CACNA1D: variants seen among roughly 807,000 people sequenced by gnomAD.
CACNA1D encodes the protein voltage-dependent L-type calcium channel subunit alpha-1D.
CACNA1D carries 55 observed loss-of-function variants against 257.1 expected under a neutral mutation model. The observed-to-expected ratio is 0.21, with a 90% CI of 0.17 to 0.27. CACNA1D has a LOEUF of 0.27. Ranked by LOEUF, CACNA1D falls within the 10% of genes least tolerant of loss-of-function variation. CACNA1D has a pLI of 1.00. For missense variants in CACNA1D, 1,876 were observed against 2,784.0 expected (o/e 0.67, Z 7.34); for synonymous variants, 980 against 1,014.9 (o/e 0.97, Z 0.65).
rs958170981 is a variant in CACNA1D, at chr3:53,673,376, A to G, written c.1220+250A>G. On this transcript the variant is annotated intron_variant, in intron 8 of 47. Transcript: ENST00000350061. This position sits in a 1 kb window ranked among gnomAD's most constrained non-coding sequence, Gnocchi z 4.1. ...AGCATTGTTGCTTGAGATTTAAACA[A>G]TTTCCATAGCATGCCCTTTTTTTGT... Among the ~76,000 whole-genome samples, 1 of 152,158 alleles carries G rather than the reference A, an allele frequency of 6.6e-6. No homozygotes were observed. The highest frequency in any genetic ancestry group is 6.5e-5 in the Admixed American group (1 of 15,282).
chr3:53,805,939 T>TCCCTCATCTTCCCTCCTCCTC (rs141385250), intron 45 of CACNA1D, among the ~76,000 whole-genome samples: 2 of 19,350 alleles, frequency 1.0e-4, no homozygotes, highest in Non-Finnish European at 1.6e-4. Flanking sequence ...TCCCTCCTCC[T>TCCCTCATCTTCCCTCCTCCTC]CCTCCCTCAT....
At chr3:53,756,935 T>C (rs6787319) in intron 29 of CACNA1D, among the ~76,000 whole-genome samples, 1 of 152,218 alleles carries the variant, frequency 6.6e-6, no homozygotes, top group Non-Finnish European at 1.5e-5. Context: ...CCCATCTTAG[T>C]CCTTTAAAGT....
At chr3:53,637,261 A>G (rs1465846333) in intron 3 of CACNA1D, among the ~76,000 whole-genome samples, 1 of 152,220 alleles carries the variant, frequency 6.6e-6, no homozygotes, top group Non-Finnish European at 1.5e-5. Flanking sequence ...TTCAGATTCC[A>G]GGGGCCTGTA....
At chr3:53,690,650 C>T (rs1002642161) in intron 8 of CACNA1D, among the ~76,000 whole-genome samples, 1 of 152,198 alleles carries the variant, frequency 6.6e-6, no homozygotes, top group African/African-American at 2.4e-5. Flanking sequence ...GGGTGGTTTC[C>T]GTGGCCTGCG....
chr3:53,592,064 T>A (rs77842316), intron 3 of CACNA1D, among the ~76,000 whole-genome samples: 5,259 of 152,250 alleles, frequency 0.035, 331 homozygotes, highest in African/African-American at 0.12. Context: ...CTGCCTACAG[T>A]GTGACAGGTG....
intron 3 of CACNA1D, among the ~76,000 whole-genome samples, chr3:53,587,108 A>G (rs905618107): frequency 6.6e-6 from 1 of 152,212 alleles, no homozygotes; most frequent in African/African-American, 2.4e-5. Flanking sequence ...GTGAGAAGCC[A>G]CTAAAGGGTT....
chr3:53,710,286 A>G (rs2094737324), intron 9 of CACNA1D: 3 of 421,874 alleles, frequency 7.1e-6, no homozygotes, highest in Admixed American at 2.6e-5. Flanking sequence ...GCGGGCGTCC[A>G]TTGCGTGAGG....
intron 8 of CACNA1D, among the ~76,000 whole-genome samples, chr3:53,696,290 A>G (rs1191465219): frequency 1.3e-5 from 2 of 152,144 alleles, no homozygotes; most frequent in Non-Finnish European, 1.5e-5. Context: ...TTTGATCCTC[A>G]TCCTCCTGGT....
chr3:53,770,295 A>C, intron 31 of CACNA1D, 129 bp from the exon 32 acceptor site: 1 of 946,696 alleles, frequency 1.1e-6, no homozygotes, highest in Admixed American at 1.8e-5. Context: ...ATGCTTTTTA[A>C]GATGAAAAGG....
chr3:53,691,900 CATATA>C (rs1388841438), intron 8 of CACNA1D, among the ~76,000 whole-genome samples: 27 of 31,774 alleles, frequency 8.5e-4, no homozygotes, highest in Middle Eastern at 0.012. Context: ...ATATATATTA[CATATA>C]TTATATATAA....
intron 46 of CACNA1D, chr3:53,809,285 A>G (rs1162599623): frequency 1.8e-5 from 3 of 169,140 alleles, no homozygotes; most frequent in Admixed American, 1.7e-4. Flanking sequence ...GCGGCTGCAC[A>G]GGCAAGAGGG....
intron 38 of CACNA1D, 22 bp from the exon 39 acceptor site, chr3:53,781,544 C>T (rs1189136118): frequency 2.0e-6 from 3 of 1,521,084 alleles, no homozygotes; most frequent in African/African-American, 2.7e-5. Context: ...CTTGCTTTTC[C>T]CCTTTTGTTT....
In CACNA1D at chr3:53,667,994, CTAT is replaced by C. The variant is rs1447381762; in HGVS notation, c.1116+1464_1116+1466del. Among the ~76,000 whole-genome samples the C allele has an allele frequency of 7.2e-5, 11 of 152,262 alleles. No individual in the cohort carries two copies. In the East Asian group the frequency reaches 2.1e-3, roughly 29 times the overall value. ...AGGTTAGGTGAAGCATTCATTTTTG[CTAT>C]TATTTCCTAAATTGCAACTTCTAGT... On this transcript the variant is annotated intron_variant, in intron 7 of 47. Coordinates refer to ENST00000350061, the MANE Select transcript of CACNA1D (RefSeq NM_001128840.3).
chr3:53,728,847 T>C lies in CACNA1D; in HGVS notation c.2222-1595T>C, dbSNP rs1054695978. Among the ~76,000 whole-genome samples the C allele has an allele frequency of 3.9e-5, 6 of 152,304 alleles. No homozygotes were observed. The South Asian group carries it at 1.2e-3, about 32-fold the overall frequency. On this transcript the variant is annotated intron_variant, in intron 15 of 47. Transcript: ENST00000350061. ...TGACACATTGGAGGTACTTGGTAGA[T>C]CTTTCTGGATGAATTCCAGAGCATG...
chr3:53,718,348 A>G lies in CACNA1D; in HGVS notation c.1438A>G (p.Ser480Gly), dbSNP rs1397694343. The change falls in exon 10 of 48, where the codon AGC becomes GGC. Residue 480 changes from serine to glycine, a missense_variant. Around this residue, in one of 10 missense-constraint regions of CACNA1D, gnomAD observed 257 missense variants for 399.7 expected, o/e 0.64. Coordinates refer to ENST00000350061, the MANE Select transcript of CACNA1D (RefSeq NM_001128840.3). The stretch of plus-strand genomic sequence containing the variant: ...TGAGTCTGTGAACACAGAGAACGTC[A>G]GCGGTGAAGGCGAGAACCGAGGCTG... Reference protein sequence around the residue: ...ETESVNTENVSGEGENRGCCG... With the variant: ...ETESVNTENVGGEGENRGCCG... The G allele has an allele frequency of 6.2e-7, 1 of 1,614,188 alleles. No individual in the cohort carries two copies. The highest frequency in any genetic ancestry group is 1.3e-5 in the African/African-American group (1 of 75,062).
At chr3:53,703,154 G>A (rs2094645012) in intron 9 of CACNA1D, among the ~76,000 whole-genome samples, 1 of 152,252 alleles carries the variant, frequency 6.6e-6, no homozygotes, top group South Asian at 2.1e-4. Context: ...AGAAGAAGCT[G>A]TGGTTTCCCT....
At position 53,702,567 on chromosome 3, in the gene CACNA1D, C is replaced by T. The variant is rs569086787; in HGVS notation, c.1221-74C>T. 1.6e-4 allele frequency: 225 copies of T among 1,423,804 alleles called. No homozygotes were observed. In the South Asian group the frequency reaches 2.5e-3, roughly 16 times the overall value. 88.2% of individuals were successfully genotyped at this position (1,423,804 alleles called of 1,614,324 possible). On this transcript the variant is annotated intron_variant, in intron 8 of 47. Coordinates refer to ENST00000350061, the MANE Select transcript of CACNA1D (RefSeq NM_001128840.3). ...GTGTCCTGCCCACAAGACTGTTGTGCAGTAGGGCAGTGGCTCAGGATGCAG... is the reference window on the plus strand; with the variant it reads ...GTGTCCTGCCCACAAGACTGTTGTGTAGTAGGGCAGTGGCTCAGGATGCAG...
At position 53,774,226 on chromosome 3, in the gene CACNA1D, C is replaced by A; in HGVS notation, c.4111-361C>A. ...TTTACATGTCACTTCCCCCTAGAGG[C>A]CTTCCCTGACCCAGCCCCCCAGCCT... is the stretch of plus-strand genomic sequence containing the variant. On this transcript the variant is annotated intron_variant, in intron 33 of 47. Coordinates refer to ENST00000350061, the MANE Select transcript of CACNA1D (RefSeq NM_001128840.3). This position sits in a 1 kb window ranked among gnomAD's most constrained non-coding sequence, Gnocchi z 4.3. The A allele has an allele frequency of 3.2e-6, 1 of 311,348 alleles. No homozygotes were observed. The highest frequency in any genetic ancestry group is 6.2e-6 in the Non-Finnish European group (1 of 162,012). The allele number at this position is 311,348 out of a possible 1,614,324, so 19.3% of individuals were successfully genotyped here.
chr3:53,622,170 C>T (rs2093704035), intron 3 of CACNA1D, among the ~76,000 whole-genome samples: 2 of 152,106 alleles, frequency 1.3e-5, no homozygotes, highest in African/African-American at 4.8e-5. Flanking sequence ...CCTGCCTCAG[C>T]CTCAGCAGTA....
Sources: allele counts gnomAD v4.1 joint callset (sites outside exome capture counted in the v4.1 genomes callset), GRCh38; gene constraint gnomAD v4.1.1; regional missense constraint gnomAD v4.1.1; non-coding constraint Gnocchi (gnomAD v3.1); transcripts MANE v1.5; gene names NCBI Gene and HGNC (gene_info 2026-07-23, HGNC 2026-07-21).